The following B3GALT1 variants were observed in gnomAD, a reference collection of about 807,000 sequenced individuals.
The protein encoded by B3GALT1 is beta-1,3-galactosyltransferase 1, also known as UDP-Gal:betaGlcNAc beta 1,3-galactosyltransferase, polypeptide 1.
In B3GALT1, 10 loss-of-function variants were observed where a neutral mutation model predicts 23.2. That is an observed-to-expected ratio of 0.43 (90% CI 0.27 to 0.73). The LOEUF (loss-of-function observed/expected upper bound fraction) is 0.73. Ranked by LOEUF, B3GALT1 falls within the 30% of genes least tolerant of loss-of-function variation. The pLI is 0.21. For synonymous variants in B3GALT1, 156 were observed against 141.5 expected, an observed-to-expected ratio of 1.10 and a Z score of -0.73; for missense variants, 299 against 405.4, an observed-to-expected ratio of 0.74 and a Z score of 2.25.
At chr2:167,584,773 A>G (rs770638344) in intron 2 of B3GALT1, among the ~76,000 whole-genome samples, 16 of 152,210 alleles carry the variant, frequency 1.1e-4, no homozygotes, top group Admixed American at 9.2e-4. Flanking sequence ...GATACAGAGG[A>G]AGGGATGCAT....
At chr2:167,504,326 G>A (rs1212639568) in intron 2 of B3GALT1, among the ~76,000 whole-genome samples, 1 of 152,100 alleles carries the variant, frequency 6.6e-6, no homozygotes, top group Non-Finnish European at 1.5e-5. Context: ...CTATAGCCTA[G>A]AATTAGTTAT....
At chr2:167,618,256 T>C (rs917179825) in intron 2 of B3GALT1, among the ~76,000 whole-genome samples, 1 of 152,078 alleles carries the variant, frequency 6.6e-6, no homozygotes, top group African/African-American at 2.4e-5. Context: ...GAGAAACATA[T>C]TGGACCAGAG....
intron 2 of B3GALT1, among the ~76,000 whole-genome samples, chr2:167,511,102 T>C (rs573270428): frequency 6.6e-6 from 1 of 152,278 alleles, no homozygotes; most frequent in South Asian, 2.1e-4. Flanking sequence ...TACAGAAGGA[T>C]GTTTGTTGTA....
At chr2:167,304,386 C>T (rs1228892169) in intron 1 of B3GALT1, among the ~76,000 whole-genome samples, 1 of 152,076 alleles carries the variant, frequency 6.6e-6, no homozygotes, top group Admixed American at 6.6e-5. Flanking sequence ...TTGGAAGTAT[C>T]CAGTGCAGTA....
intron 1 of B3GALT1, among the ~76,000 whole-genome samples, chr2:167,445,813 A>T (rs1387657061): frequency 6.6e-6 from 1 of 152,048 alleles, no homozygotes; most frequent in Admixed American, 6.5e-5. Context: ...TTGACTCTTT[A>T]TCCAATTTGC....
At chr2:167,300,471 A>G (rs1175112945) in intron 1 of B3GALT1, among the ~76,000 whole-genome samples, 1 of 152,242 alleles carries the variant, frequency 6.6e-6, no homozygotes, top group Non-Finnish European at 1.5e-5. Context: ...ATCTACAATA[A>G]CAAGTAGGTT....
chr2:167,668,306 G>A (rs528375853), intron 3 of B3GALT1, among the ~76,000 whole-genome samples: 29 of 152,200 alleles, frequency 1.9e-4, no homozygotes, highest in East Asian at 1.5e-3. Flanking sequence ...CAGTTTGCCC[G>A]TTCTCAGATC....
chr2:167,805,249 T>G (rs892151525), intron 3 of B3GALT1, among the ~76,000 whole-genome samples: 1 of 152,196 alleles, frequency 6.6e-6, no homozygotes, highest in South Asian at 2.1e-4. Context: ...ATGAGTAGAT[T>G]GCAAAAATTT....
intron 2 of B3GALT1, among the ~76,000 whole-genome samples, chr2:167,597,464 C>A (rs1252152773): frequency 6.6e-6 from 1 of 152,140 alleles, no homozygotes; most frequent in Non-Finnish European, 1.5e-5. Flanking sequence ...TTCTCTAATA[C>A]TCCATTGGTA....
chr2:167,346,346 A>G (rs1332292297), intron 1 of B3GALT1, among the ~76,000 whole-genome samples: 4 of 152,128 alleles, frequency 2.6e-5, no homozygotes, highest in Admixed American at 2.6e-4. Context: ...GCATTTGCCT[A>G]TTGTATATCT....
intron 2 of B3GALT1, among the ~76,000 whole-genome samples, chr2:167,608,816 CA>C (rs1200052727): frequency 2.0e-5 from 3 of 152,012 alleles, no homozygotes; most frequent in Non-Finnish European, 4.4e-5. Flanking sequence ...GTTTTAAATA[CA>C]GAAACATAAA....
chr2:167,386,125 T>C (rs1172420299), intron 1 of B3GALT1, among the ~76,000 whole-genome samples: 1 of 152,168 alleles, frequency 6.6e-6, no homozygotes, highest in Non-Finnish European at 1.5e-5. Flanking sequence ...AGACGAGACT[T>C]GAGATTGATA....
chr2:167,827,102 G>A (rs972347989), intron 4 of B3GALT1, among the ~76,000 whole-genome samples: 2 of 152,078 alleles, frequency 1.3e-5, no homozygotes, highest in East Asian at 3.9e-4. Context: ...AACACCAGTG[G>A]GACAGAATGT....
intron 2 of B3GALT1, among the ~76,000 whole-genome samples, chr2:167,642,991 T>C (rs965520142): frequency 6.6e-6 from 1 of 152,154 alleles, no homozygotes; most frequent in African/African-American, 2.4e-5. Flanking sequence ...ACTAAGACCA[T>C]AGTTATGTGT....
chr2:167,331,955 A>G (rs2105240520), intron 1 of B3GALT1, among the ~76,000 whole-genome samples: 1 of 152,292 alleles, frequency 6.6e-6, no homozygotes, highest in East Asian at 1.9e-4. Flanking sequence ...GAGCATGCGC[A>G]GCTGCGTGGG....
At chr2:167,600,334 C>T (rs1316595059) in intron 2 of B3GALT1, among the ~76,000 whole-genome samples, 1 of 152,132 alleles carries the variant, frequency 6.6e-6, no homozygotes. Flanking sequence ...TAGCCTTTTC[C>T]AATCTATAGT....
At chr2:167,699,379 T>A (rs1686840110) in intron 3 of B3GALT1, among the ~76,000 whole-genome samples, 1 of 110,528 alleles carries the variant, frequency 9.0e-6, no homozygotes, top group Admixed American at 1.0e-4. Flanking sequence ...CCATTATTTC[T>A]ATTTTTTTTT....
intron 1 of B3GALT1, among the ~76,000 whole-genome samples, chr2:167,300,883 A>G (rs746794228): frequency 5.5e-4 from 84 of 152,236 alleles, no homozygotes; most frequent in Admixed American, 7.2e-4. Context: ...AGTTAAAAAT[A>G]CCACAATTAC....
At position 167,873,236 on chromosome 2, in the gene B3GALT1, T is replaced by A. The variant is rs1224621861; in HGVS notation, c.*3216T>A. 7 of 152,228 alleles carry A rather than the reference T, an allele frequency of 4.6e-5. No individual in the cohort carries two copies. In the South Asian group the frequency reaches 8.3e-4, roughly 18 times the overall value. The allele number at this position is 152,228 out of a possible 1,614,324, so 9.4% of individuals were successfully genotyped here. A position where few individuals can be genotyped will look rare whatever the true frequency, so the allele number is the denominator to read the frequency against. ...TCTATGTTCTTAAAGTTCCTTTTTTTAATTTACTTTTTGGAAAAACGTTTC... is the reference window on the plus strand; with the variant it reads ...TCTATGTTCTTAAAGTTCCTTTTTTAAATTTACTTTTTGGAAAAACGTTTC... On this transcript the variant is annotated 3_prime_UTR_variant, in exon 5 of 5. Transcript: ENST00000392690.
Sources: allele counts gnomAD v4.1 joint callset (sites outside exome capture counted in the v4.1 genomes callset), GRCh38; gene constraint gnomAD v4.1.1; transcripts MANE v1.5; gene names NCBI Gene and HGNC (gene_info 2026-07-23, HGNC 2026-07-21).